TYRO3: variants seen among roughly 807,000 people sequenced by gnomAD.
TYRO3 encodes the protein tyrosine-protein kinase receptor TYRO3.
TYRO3 carries 38 observed loss-of-function variants against 95.2 expected under a neutral mutation model. The observed-to-expected ratio is 0.40, with a 90% CI of 0.31 to 0.52. The LOEUF (loss-of-function observed/expected upper bound fraction) is 0.52, where lower values mean the gene tolerates loss of function less well. Ranked by LOEUF, TYRO3 falls within the 20% of genes least tolerant of loss-of-function variation. The pLI is 0.56. For missense variants in TYRO3, 812 were observed against 1,116.4 expected, an observed-to-expected ratio of 0.73 and a Z score of 3.89; for synonymous variants, 367 against 432.9, an observed-to-expected ratio of 0.85 and a Z score of 1.89.
In TYRO3 at chr15:41,573,907, GTTT is replaced by G. The variant is rs1461174040; in HGVS notation, c.2282+96_2282+98del. On this transcript the variant is annotated intron_variant, in intron 18 of 18. Transcript: ENST00000263798. Reference sequence around the variant, plus strand: ...CCACAGTTGCCTCAACTGGACCTTTGTTTTTTGATAGAAACATCCTTGTAGTTG... The same window carrying G: ...CCACAGTTGCCTCAACTGGACCTTTGTTTGATAGAAACATCCTTGTAGTTG... 3 of 1,233,676 alleles carry G rather than the reference GTTT, an allele frequency of 2.4e-6. No homozygotes were observed. The Admixed American group carries it at 7.0e-5, about 29-fold the overall frequency. The allele number at this position is 1,233,676 out of a possible 1,614,324, so 76.4% of individuals were successfully genotyped here.
In TYRO3 at chr15:41,577,873, C is replaced by T; in HGVS notation, c.2283-13C>T. 7.9e-7 allele frequency: 1 copy of T among 1,266,274 alleles called. No homozygotes were observed. Among genetic ancestry groups the T allele is most frequent in the Non-Finnish European group, 1.1e-6 (1 of 929,616 alleles). The allele number at this position is 1,266,274 out of a possible 1,614,324, so 78.4% of individuals were successfully genotyped here. On this transcript the variant is annotated splice_polypyrimidine_tract_variant and intron_variant, in intron 18 of 18. Transcript: ENST00000263798. ...AGGGCTCCTGCCTTTTCTCACGCTT[C>T]TCTCCACCCCAGGTATGATCTCATG...
chr15:41,569,153 G>A, intron 9 of TYRO3, 131 bp downstream of exon 9: 1 of 1,129,230 alleles, frequency 8.9e-7, no homozygotes, highest in South Asian at 1.7e-5. Context: ...AGAAGTTGAG[G>A]CCAGGGCTGT....
chr15:41,578,057 C>T lies in TYRO3; in HGVS notation c.2454C>T (p.Ser818=). Residue 818 remains serine, a synonymous_variant, in exon 19 of 19, where the codon AGC becomes AGT. Transcript: ENST00000263798. ...ERAEEPTAGG[S]LELPGRDQPY... is the part of the protein sequence containing the mutation. ...CTGAGGAGCCCACTGCGGGAGGCAG[C>T]CTGGAGCTACCTGGCAGGGATCAGC... 6.2e-7 allele frequency: 1 copy of T among 1,614,088 alleles called. No individual in the cohort carries two copies. Among genetic ancestry groups the T allele is most frequent in the Non-Finnish European group, 8.5e-7 (1 of 1,180,032 alleles).
At position 41,577,691 on chromosome 15, in the gene TYRO3, T is replaced by G. The variant is rs1455152781; in HGVS notation, c.2283-195T>G. 1.3e-5 allele frequency: 7 copies of G among 536,516 alleles called. No individual in the cohort carries two copies. In the Admixed American group the frequency reaches 2.3e-4, roughly 17 times the overall value. 33.2% of individuals were successfully genotyped at this position (536,516 alleles called of 1,614,324 possible). A position where few individuals can be genotyped will look rare whatever the true frequency, so the allele number is the denominator to read the frequency against. ...TTATAGAGACAGGGTTTTGCCATAT[T>G]GCCCAGGCTGGTCTCGAACTCCTGG... On this transcript the variant is annotated intron_variant, in intron 18 of 18. Transcript: ENST00000263798.
At position 41,570,245 on chromosome 15, in the gene TYRO3, C is replaced by G. The variant is rs760763490; in HGVS notation, c.1388C>G (p.Ala463Gly). Residue 463 changes from alanine to glycine, a missense_variant, in exon 11 of 19, where the codon GCC (alanine) becomes GGC (glycine). Physicochemically the swap from Ala to Gly is moderately conservative, Grantham distance 60. Coordinates refer to ENST00000263798, the MANE Select transcript of TYRO3 (RefSeq NM_006293.4). ...KRRKETRFGQ[A>G]FDSVMARGEP... Reference sequence around the variant, plus strand: ...AATCCTGGGTTTTCCTTTAGGCAAGCCTTTGACAGTGTCATGGCCCGGGGA... The same window carrying G: ...AATCCTGGGTTTTCCTTTAGGCAAGGCTTTGACAGTGTCATGGCCCGGGGA... 2.0e-5 allele frequency: 32 copies of G among 1,613,316 alleles called. No individual in the cohort carries two copies. The highest frequency in any genetic ancestry group is 4.4e-5 in the South Asian group (4 of 91,046).
chr15:41,561,306 C>G lies in TYRO3; in HGVS notation c.304C>G (p.Leu102Val). Residue 102 changes from leucine (L) to valine (V), a missense_variant, in exon 2 of 19, where the codon CTC becomes GTC. By Grantham distance (32) the Leu-to-Val change is conservative. Coordinates refer to ENST00000263798, the MANE Select transcript of TYRO3 (RefSeq NM_006293.4). The stretch of plus-strand genomic sequence containing the variant: ...CAGCGAGCAGCACTGGATCGGCTTC[C>G]TCAGGTGCAGGCCTGTGGGGGAAGG... ...PVSEQHWIGF[L>V]SLKSVERSDA... 1 of 1,610,314 alleles carries G rather than the reference C, an allele frequency of 6.2e-7. No homozygotes were observed. Among genetic ancestry groups the G allele is most frequent in the Non-Finnish European group, 8.5e-7 (1 of 1,177,480 alleles).
chr15:41,568,781 T>G, intron 8 of TYRO3, 97 bp from the exon 9 acceptor site: 1 of 1,441,246 alleles, frequency 6.9e-7, no homozygotes, highest in Non-Finnish European at 9.4e-7. Context: ...GCCCCTATAC[T>G]CCCATGTTCC....
At chr15:41,568,460 C>A in intron 8 of TYRO3, 98 bp downstream of exon 8, 1 of 1,284,118 alleles carries the variant, frequency 7.8e-7, no homozygotes, top group Non-Finnish European at 1.1e-6. Flanking sequence ...TTTGGTGGGC[C>A]TGGGTCTCCC....
In TYRO3 at chr15:41,563,275, C is replaced by T. The variant is rs1428590630; in HGVS notation, c.580+557C>T. Among the ~76,000 whole-genome samples, 12 of 152,304 alleles carry T rather than the reference C, an allele frequency of 7.9e-5. No individual in the cohort carries two copies. The South Asian group carries it at 2.3e-3, about 29-fold the overall frequency. On this transcript the variant is annotated intron_variant, in intron 4 of 18. Coordinates refer to ENST00000263798, the MANE Select transcript of TYRO3 (RefSeq NM_006293.4). The stretch of plus-strand genomic sequence containing the variant: ...CCTCTGCACAGTCACACCTGCACAC[C>T]CACCTGGGCCCCAAGTTTCTTGGGC...
chr15:41,560,551 C>T (rs996337747), intron 1 of TYRO3, among the ~76,000 whole-genome samples: 23 of 152,146 alleles, frequency 1.5e-4, no homozygotes, highest in Admixed American at 1.3e-3. Context: ...TCCCACCTTC[C>T]TAGCACTCGC....
At chr15:41,575,571 A>G (rs1303703326) in intron 18 of TYRO3, among the ~76,000 whole-genome samples, 1 of 152,188 alleles carries the variant, frequency 6.6e-6, no homozygotes, top group Non-Finnish European at 1.5e-5. Flanking sequence ...CGACCTGTTC[A>G]GTGTCTGGCA....
At chr15:41,572,658 G>A (rs1033508799) in intron 15 of TYRO3, 94 bp downstream of exon 15, 16 of 1,549,536 alleles carry the variant, frequency 1.0e-5, no homozygotes, top group Non-Finnish European at 1.4e-5. Context: ...GGCTTGCTGG[G>A]TAGGGCTGAT....
At position 41,561,239 on chromosome 15, in the gene TYRO3, T is replaced by A; in HGVS notation, c.237T>A (p.Asp79Glu). The A allele has an allele frequency of 6.2e-7, 1 of 1,614,178 alleles. No homozygotes were observed. The highest frequency in any genetic ancestry group is 8.5e-7 in the Non-Finnish European group (1 of 1,180,028). Residue 79 changes from aspartate to glutamate, a missense_variant, in exon 2 of 19, where the codon GAT becomes GAA. Coordinates refer to ENST00000263798, the MANE Select transcript of TYRO3 (RefSeq NM_006293.4). ...AGCCTGACATCCAGTGGGTGAAGGA[T>A]GGGGCTGTGGTCCAGAACTTGGACC... Reference protein sequence around the residue: ...MEEPDIQWVKDGAVVQNLDQL... With the variant: ...MEEPDIQWVKEGAVVQNLDQL...
At chr15:41,562,845 CG>C in intron 4 of TYRO3, 127 bp downstream of exon 4, 1 of 956,626 alleles carries the variant, frequency 1.0e-6, no homozygotes, top group Non-Finnish European at 1.5e-6. Context: ...TGTCTGGGGA[CG>C]TGAGCTGCAC....
chr15:41,568,449 C>G (rs2055752729), intron 8 of TYRO3, 87 bp downstream of exon 8: 1 of 1,390,036 alleles, frequency 7.2e-7, no homozygotes, highest in African/African-American at 1.5e-5. Context: ...AAATGATTGT[C>G]TTTGGTGGGC....
chr15:41,569,935 C>T (rs1322858368), intron 9 of TYRO3, 92 bp from the exon 10 acceptor site: 28 of 1,505,614 alleles, frequency 1.9e-5, no homozygotes, highest in Non-Finnish European at 2.5e-5. Flanking sequence ...CTAGAGGAGC[C>T]CCTTGAACCA....
intron 5 of TYRO3, 98 bp from the exon 6 acceptor site, chr15:41,564,928 C>T (rs536179816): frequency 2.6e-6 from 2 of 777,304 alleles, no homozygotes; most frequent in East Asian, 2.7e-5. Context: ...GTTGGGGATG[C>T]CCTGGACCCT....
chr15:41,570,490 C>T (rs931475642), intron 11 of TYRO3, 114 bp from the exon 12 acceptor site: 14 of 1,367,872 alleles, frequency 1.0e-5, no homozygotes, highest in African/African-American at 1.4e-5. Context: ...CCACCCCAGC[C>T]GTGGGAGACC....
rs754954822 is a variant in TYRO3 at position 41,570,170 on chromosome 15, G to A, written c.1382+14G>A. 2.1e-5 allele frequency: 21 copies of A among 987,408 alleles called. No individual in the cohort carries two copies. The highest frequency in any genetic ancestry group is 3.1e-5 in the Non-Finnish European group (20 of 651,286). The allele number at this position is 987,408 out of a possible 1,614,324, so 61.2% of individuals were successfully genotyped here. A position where few individuals can be genotyped will look rare whatever the true frequency, so the allele number is the denominator to read the frequency against. ...GACGCGGTTTGGGTAAGGGGATGGG[G>A]ATGTGGAGGGAGAGGCAGGTAATGA... On this transcript the variant is annotated intron_variant, in intron 10 of 18. Coordinates refer to ENST00000263798, the MANE Select transcript of TYRO3 (RefSeq NM_006293.4).
Sources: gnomAD v4.1 joint callset for allele counts (sites outside exome capture counted in the v4.1 genomes callset) on GRCh38, gnomAD v4.1.1 for gene constraint, MANE v1.5 for transcripts, NCBI Gene and HGNC (gene_info 2026-07-23, HGNC 2026-07-21) for gene names.